Variants in TGM2 observed in about 807,000 individuals in gnomAD.
The protein encoded by TGM2 is transglutaminase 2, also known as protein-glutamine gamma-glutamyltransferase 2.
A neutral mutation model predicts 75.6 loss-of-function variants in TGM2; 53 were observed. The ratio of observed to expected loss-of-function variants is 0.70; its 90% CI spans 0.56 to 0.88. The LOEUF (loss-of-function observed/expected upper bound fraction) is 0.88. Among genes scored for constraint, TGM2 ranks in the 40% least tolerant of loss-of-function variants. The pLI, the probability that TGM2 is intolerant of heterozygous loss-of-function variation, is 0.00. For synonymous variants in TGM2, 374 were observed against 381.1 expected, an observed-to-expected ratio of 0.98 and a Z score of 0.22; for missense variants, 842 against 928.5, an observed-to-expected ratio of 0.91 and a Z score of 1.21.
Position 38,165,183 on chromosome 20 carries a change from A to G in TGM2, c.10+6T>C. 6.2e-7 allele frequency: 1 copy of G among 1,612,992 alleles called. No homozygotes were observed. Among genetic ancestry groups the G allele is most frequent in the African/African-American group, 1.3e-5 (1 of 74,854 alleles). On this transcript the variant is annotated splice_donor_region_variant and intron_variant, in intron 1 of 12. Transcript: ENST00000361475. ...GAGTGGCGGCTGCGGTGACTCTGAT[A>G]CTCACCCTCGGCCATGGTCGGGCGG... is the stretch of plus-strand genomic sequence containing the variant.
At chr20:38,132,974 C>A (rs780242745) in intron 10 of TGM2, 2 of 403,176 alleles carry the variant, frequency 5.0e-6, no homozygotes, top group South Asian at 3.5e-5. Flanking sequence ...GCACTTCCCA[C>A]GGCGGGCTCC....
At chr20:38,140,498 C>G (rs1417000386) in intron 8 of TGM2, among the ~76,000 whole-genome samples, 1 of 152,142 alleles carries the variant, frequency 6.6e-6, no homozygotes, top group East Asian at 1.9e-4. Flanking sequence ...AAAAGGGTAT[C>G]TTTGTTTTCA....
chr20:38,136,802 T>G (rs1490089821), intron 10 of TGM2, among the ~76,000 whole-genome samples: 1 of 152,178 alleles, frequency 6.6e-6, no homozygotes, highest in Non-Finnish European at 1.5e-5. Flanking sequence ...GCTTGATTCC[T>G]GGTCCCTCAC....
rs373347019 is a variant in TGM2, at chr20:38,131,353, CCCCT to C, written c.1777-128_1777-125del. On this transcript the variant is annotated intron_variant, in intron 11 of 12. Coordinates refer to ENST00000361475, the MANE Select transcript of TGM2 (RefSeq NM_004613.4). ...GTACCCAGGTCTGCCACGATCACCC[CCCCT>C]CCCCCCACCTCTGTGCCTCAGTTTC... The C allele has an allele frequency of 2.9e-3, 3,858 of 1,319,718 alleles. 52 individuals carry two copies. The African/African-American group carries it at 0.053, about 18-fold the overall frequency. The allele number at this position is 1,319,718 out of a possible 1,614,324, so 81.8% of individuals were successfully genotyped here.
chr20:38,159,952 T>C (rs2075234475), intron 2 of TGM2, among the ~76,000 whole-genome samples: 2 of 152,140 alleles, frequency 1.3e-5, no homozygotes, highest in Non-Finnish European at 2.9e-5. Context: ...AACTTTTCAC[T>C]TCGTAAAGGG....
chr20:38,132,449 G>T lies in TGM2; in HGVS notation c.1667C>A (p.Thr556Lys), dbSNP rs746189148. ...CCGCACCTTGATGAGGTTGGACTCCGTAAGGCAGTCACGGTATTTCTCATA... is the reference window on the plus strand; with the variant it reads ...CCGCACCTTGATGAGGTTGGACTCCTTAAGGCAGTCACGGTATTTCTCATA... ...ILYEKYRDCL[T>K]ESNLIKVRAL... Residue 556 changes from threonine to lysine, a missense_variant, in exon 11 of 13, where the codon ACG becomes AAG. Transcript: ENST00000361475. 6 of 1,614,052 alleles carry T rather than the reference G, an allele frequency of 3.7e-6. No homozygotes were observed. The African/African-American group carries it at 4.0e-5, about 11-fold the overall frequency.
At chr20:38,132,697 G>T in intron 10 of TGM2, 197 bp from the exon 11 acceptor site, 1 of 749,478 alleles carries the variant, frequency 1.3e-6, no homozygotes, top group Non-Finnish European at 2.3e-6. Flanking sequence ...ACTGAGCAGC[G>T]GGTAGAGGAC....
At chr20:38,165,526 G>A (rs561081621), upstream of TGM2, among the ~76,000 whole-genome samples, 1 of 152,068 alleles carries the variant, frequency 6.6e-6, no homozygotes, top group African/African-American at 2.4e-5. Context: ...CTCAGACCTT[G>A]GAGAACAGAC....
chr20:38,160,009 T>G (rs2075235323), intron 2 of TGM2, among the ~76,000 whole-genome samples: 1 of 152,090 alleles, frequency 6.6e-6, no homozygotes, highest in African/African-American at 2.4e-5. Context: ...GCTCCTTGGC[T>G]CTGTTAGCAA....
chr20:38,135,340 C>T (rs1199685246), intron 10 of TGM2, among the ~76,000 whole-genome samples: 1 of 151,872 alleles, frequency 6.6e-6, no homozygotes, highest in Non-Finnish European at 1.5e-5. Flanking sequence ...AATGTCAAGC[C>T]CAAGACTTCA....
chr20:38,151,393 G>C (rs2075114268), intron 3 of TGM2, among the ~76,000 whole-genome samples: 1 of 152,088 alleles, frequency 6.6e-6, no homozygotes, highest in Admixed American at 6.6e-5. Flanking sequence ...GAAAACTAAG[G>C]CTCAGGAATA....
chr20:38,142,982 C>T (rs904334661), intron 6 of TGM2, among the ~76,000 whole-genome samples: 1 of 152,226 alleles, frequency 6.6e-6, no homozygotes, highest in Non-Finnish European at 1.5e-5. Flanking sequence ...ATTCATAGCA[C>T]GGCTGGAGAT....
chr20:38,149,200 A>G (rs1480576819), intron 4 of TGM2, among the ~76,000 whole-genome samples: 1 of 152,144 alleles, frequency 6.6e-6, no homozygotes, highest in Non-Finnish European at 1.5e-5. Flanking sequence ...ACCTCCTTGC[A>G]TGGCAAACTC....
At chr20:38,163,987 A>G (rs972147327) in intron 1 of TGM2, among the ~76,000 whole-genome samples, 2 of 152,326 alleles carry the variant, frequency 1.3e-5, no homozygotes, top group Admixed American at 1.3e-4. Flanking sequence ...GGATTTCTGC[A>G]CTTAGAAAGG....
In TGM2 at chr20:38,161,113, G is replaced by A. The variant is rs45505192; in HGVS notation, c.190+307C>T. Among the ~76,000 whole-genome samples, 450 of 152,214 alleles carry A rather than the reference G, an allele frequency of 3.0e-3. 2 individuals carry two copies. Among genetic ancestry groups the A allele is most frequent in the African/African-American group, 1.0e-2 (415 of 41,548 alleles). ...AGCCACCACGCCCAGCCTGTGGATG[G>A]GATCCTGATCAACTTTCCTGGTTGA... On this transcript the variant is annotated intron_variant, in intron 2 of 12. Coordinates refer to ENST00000361475, the MANE Select transcript of TGM2 (RefSeq NM_004613.4).
chr20:38,130,496 C>T (rs1023186414), intron 12 of TGM2, 127 bp from the exon 13 acceptor site: 175 of 1,026,592 alleles, frequency 1.7e-4, no homozygotes, highest in East Asian at 3.7e-4. Flanking sequence ...GCCTCATTCT[C>T]GGCCCTCTGC....
At chr20:38,137,976 T>G in intron 10 of TGM2, 137 bp downstream of exon 10, 2 of 1,458,656 alleles carry the variant, frequency 1.4e-6, no homozygotes, top group Non-Finnish European at 1.8e-6. Flanking sequence ...TATAAAGTGC[T>G]TAGGACAGGG....
At chr20:38,134,844 T>C (rs2074878984) in intron 10 of TGM2, among the ~76,000 whole-genome samples, 1 of 152,156 alleles carries the variant, frequency 6.6e-6, no homozygotes, top group Admixed American at 6.5e-5. Context: ...CCAGATCTTA[T>C]CATCAAAGAA....
At chr20:38,155,153 C>T (rs2075167750) in intron 3 of TGM2, among the ~76,000 whole-genome samples, 1 of 151,940 alleles carries the variant, frequency 6.6e-6, no homozygotes, top group African/African-American at 2.4e-5. Context: ...AACAGGGCCC[C>T]ATGAAACAGA....
Sources: gnomAD v4.1 joint callset for allele counts (sites outside exome capture counted in the v4.1 genomes callset) on GRCh38, gnomAD v4.1.1 for gene constraint, MANE v1.5 for transcripts, NCBI Gene and HGNC (gene_info 2026-07-23, HGNC 2026-07-21) for gene names.